The following NPSR1 variants were observed in gnomAD, a reference collection of about 807,000 sequenced individuals.
NPSR1 encodes the protein neuropeptide S receptor 1.
Under a neutral mutation model 46.9 loss-of-function variants are expected in NPSR1, and 48 were observed. The ratio of observed to expected loss-of-function variants is 1.02; its 90% CI spans 0.81 to 1.30. The LOEUF (loss-of-function observed/expected upper bound fraction) is 1.30, where lower values mean the gene tolerates loss of function less well. Among genes scored for constraint, NPSR1 ranks in the 50% most tolerant of loss-of-function variants. The pLI is 0.00. For synonymous variants in NPSR1, 176 were observed against 168.1 expected (o/e 1.05, Z -0.36); for missense variants, 450 against 449.5 (o/e 1.00, Z -0.01).
At chr7:34,859,806 A>G (rs1791142839) in intron 8 of NPSR1, among the ~76,000 whole-genome samples, 1 of 151,670 alleles carries the variant, frequency 6.6e-6, no homozygotes, top group South Asian at 2.1e-4. Context: ...TATTTATAGC[A>G]ACTCACCCAG....
intron 2 of NPSR1, among the ~76,000 whole-genome samples, chr7:34,737,367 G>A (rs1020911795): frequency 1.3e-5 from 2 of 151,426 alleles, no homozygotes; most frequent in Non-Finnish European, 2.9e-5. Context: ...AAACGAAAAA[G>A]AAGAAGCTTA....
intron 8 of NPSR1, among the ~76,000 whole-genome samples, chr7:34,867,942 TCA>T (rs1791354988): frequency 6.6e-6 from 1 of 151,872 alleles, no homozygotes; most frequent in Non-Finnish European, 1.5e-5. Context: ...TTAAAAACTT[TCA>T]GTCTTTAAAA....
chr7:34,773,297 T>C (rs1301916814), intron 2 of NPSR1, among the ~76,000 whole-genome samples: 1 of 152,164 alleles, frequency 6.6e-6, no homozygotes, highest in African/African-American at 2.4e-5. Flanking sequence ...TCTAGGGCTC[T>C]AAAAGTACAG....
chr7:34,671,639 C>T (rs1792063181), intron 1 of NPSR1, among the ~76,000 whole-genome samples: 1 of 152,146 alleles, frequency 6.6e-6, no homozygotes. Flanking sequence ...TTTTGCTACC[C>T]AACCACCCAA....
intron 5 of NPSR1, among the ~76,000 whole-genome samples, chr7:34,828,177 C>A (rs866462301): frequency 6.6e-6 from 1 of 152,272 alleles, no homozygotes; most frequent in Middle Eastern, 3.4e-3. Context: ...TGGAAGCCAC[C>A]ATTGAAGGAG....
At chr7:34,814,338 G>A (rs1439154848) in intron 4 of NPSR1, among the ~76,000 whole-genome samples, 1 of 152,262 alleles carries the variant, frequency 6.6e-6, no homozygotes, top group African/African-American at 2.4e-5. Flanking sequence ...CTGGCTAGGG[G>A]AGGAGCGTCC....
intron 8 of NPSR1, among the ~76,000 whole-genome samples, chr7:34,875,212 G>C (rs192428471): frequency 3.3e-5 from 5 of 152,282 alleles, no homozygotes; most frequent in African/African-American, 9.6e-5. Flanking sequence ...AGTAATTAAA[G>C]GTCAAAGTGA....
At chr7:34,680,485 A>G (rs772350880) in intron 1 of NPSR1, among the ~76,000 whole-genome samples, 8 of 152,194 alleles carry the variant, frequency 5.3e-5, no homozygotes, top group Non-Finnish European at 7.4e-5. Flanking sequence ...GCATCATGGC[A>G]TATCCTAGTC....
At chr7:34,874,047 AGAG>A (rs1207878503) in intron 8 of NPSR1, among the ~76,000 whole-genome samples, 1 of 151,632 alleles carries the variant, frequency 6.6e-6, no homozygotes, top group Non-Finnish European at 1.5e-5. Flanking sequence ...TTCTCTTGAA[AGAG>A]GAGAAGACTG....
At chr7:34,866,925 T>C (rs1322640556) in intron 8 of NPSR1, among the ~76,000 whole-genome samples, 1 of 151,588 alleles carries the variant, frequency 6.6e-6, no homozygotes, top group Non-Finnish European at 1.5e-5. Context: ...ATAATAATAA[T>C]AAAAGATAAA....
At chr7:34,706,697 T>C (rs947194241) in intron 2 of NPSR1, among the ~76,000 whole-genome samples, 2 of 152,156 alleles carry the variant, frequency 1.3e-5, no homozygotes, top group Non-Finnish European at 2.9e-5. Flanking sequence ...GTCCCCAAAA[T>C]GTAAAAAGAA....
chr7:34,858,746 A>C (rs1057470285), intron 8 of NPSR1, among the ~76,000 whole-genome samples: 2 of 151,756 alleles, frequency 1.3e-5, no homozygotes, highest in African/African-American at 4.9e-5. Flanking sequence ...AGATCTCGTA[A>C]GACCCATTCA....
At chr7:34,805,532 A>C (rs1788656470) in intron 3 of NPSR1, among the ~76,000 whole-genome samples, 1 of 151,780 alleles carries the variant, frequency 6.6e-6, no homozygotes, top group Admixed American at 6.6e-5. Flanking sequence ...TTTCACAAAA[A>C]CCAACTCAGT....
At chr7:34,669,479 G>A (rs1046481759) in intron 1 of NPSR1, among the ~76,000 whole-genome samples, 2 of 151,596 alleles carry the variant, frequency 1.3e-5, no homozygotes, top group African/African-American at 4.9e-5. Flanking sequence ...TGAGGCAGGA[G>A]AATTGCTTGA....
intron 4 of NPSR1, among the ~76,000 whole-genome samples, chr7:34,818,868 G>A (rs544830166): frequency 6.6e-6 from 1 of 152,320 alleles, no homozygotes; most frequent in Non-Finnish European, 1.5e-5. Context: ...CTAGCCATAT[G>A]GAGAAAGCTG....
intron 4 of NPSR1, among the ~76,000 whole-genome samples, chr7:34,812,454 G>GT (rs1354223074): frequency 6.6e-6 from 1 of 152,170 alleles, no homozygotes; most frequent in Non-Finnish European, 1.5e-5. Context: ...GCTGAAGTGG[G>GT]ATGGGAGGCC....
intron 2 of NPSR1, among the ~76,000 whole-genome samples, chr7:34,746,713 C>T (rs1205750035): frequency 6.6e-6 from 1 of 152,156 alleles, no homozygotes; most frequent in African/African-American, 2.4e-5. Context: ...ACAAAGTAGC[C>T]TATTTCTTGG....
At chr7:34,847,143 G>A (rs1435023192) in intron 7 of NPSR1, among the ~76,000 whole-genome samples, 4 of 152,112 alleles carry the variant, frequency 2.6e-5, no homozygotes, top group Admixed American at 2.6e-4. Context: ...GGTCGAGAGG[G>A]GAAACATGAG....
intron 1 of NPSR1, among the ~76,000 whole-genome samples, chr7:34,684,095 T>TATTAC (rs1354581403): frequency 6.6e-6 from 1 of 151,910 alleles, no homozygotes; most frequent in African/African-American, 2.4e-5. Context: ...CTTACCATTA[T>TATTAC]AGGTATTTTT....
Sources: allele counts gnomAD v4.1 joint callset (sites outside exome capture counted in the v4.1 genomes callset), GRCh38; gene constraint gnomAD v4.1.1; transcripts MANE v1.5; gene names NCBI Gene and HGNC (gene_info 2026-07-23, HGNC 2026-07-21).